RAD17: variants seen among roughly 807,000 people sequenced by gnomAD.
RAD17 encodes the protein RAD17 checkpoint clamp loader component.
Under a neutral mutation model 81.5 loss-of-function variants are expected in RAD17, and 31 were observed. The ratio of observed to expected loss-of-function variants is 0.38; its 90% CI spans 0.29 to 0.51. RAD17 has a LOEUF of 0.51. Among genes scored for constraint, RAD17 ranks in the 20% least tolerant of loss-of-function variants. RAD17 has a pLI of 0.88. For missense variants in RAD17, 681 were observed against 781.2 expected (o/e 0.87, Z 1.53); for synonymous variants, 261 against 266.2 (o/e 0.98, Z 0.19).
intron 17 of RAD17, among the ~76,000 whole-genome samples, chr5:69,409,282 T>C (rs564314956): frequency 1.3e-5 from 2 of 152,204 alleles, no homozygotes; most frequent in African/African-American, 4.8e-5. Context: ...CAGGGGACAG[T>C]GCCTTTGGGT....
At chr5:69,377,443 A>ATATATATATATATATGTG (rs1249094139) in intron 6 of RAD17, among the ~76,000 whole-genome samples, 5 of 7,256 alleles carry the variant, frequency 6.9e-4, no homozygotes, top group Admixed American at 4.0e-3. Context: ...GTGTGTGTAT[A>ATATATATATATATATGTG]TATATATATA....
intron 18 of RAD17, among the ~76,000 whole-genome samples, chr5:69,411,306 G>A (rs547837738): frequency 6.6e-6 from 1 of 151,944 alleles, no homozygotes; most frequent in Non-Finnish European, 1.5e-5. Flanking sequence ...AGCTACTCAG[G>A]AGGCTGAGGC....
chr5:69,392,782 C>T (rs565694786), intron 13 of RAD17: 13 of 449,870 alleles, frequency 2.9e-5, no homozygotes, highest in African/African-American at 2.0e-4. Flanking sequence ...GAATGGAATT[C>T]GTATTCTTTC....
intron 6 of RAD17, 92 bp from the exon 7 acceptor site, chr5:69,381,809 A>G (rs1014498647): frequency 9.2e-5 from 82 of 892,110 alleles, no homozygotes; most frequent in Non-Finnish European, 1.3e-4. Flanking sequence ...AAATATTTAT[A>G]GAAGTAAATA....
intron 7 of RAD17, among the ~76,000 whole-genome samples, chr5:69,382,288 A>G (rs537238345): frequency 1.3e-5 from 2 of 152,272 alleles, no homozygotes; most frequent in African/African-American, 4.8e-5. Context: ...GTCTACAAAA[A>G]TAAAAAAATC....
chr5:69,387,715 G>A (rs1214663081), intron 11 of RAD17, among the ~76,000 whole-genome samples: 1 of 152,088 alleles, frequency 6.6e-6, no homozygotes, highest in Non-Finnish European at 1.5e-5. Flanking sequence ...AAATTAGCCG[G>A]ATGTGGTGGC....
chr5:69,393,453 G>A lies in RAD17; in HGVS notation c.1375G>A (p.Ala459Thr). 2 of 1,610,334 alleles carry A rather than the reference G, an allele frequency of 1.2e-6. No homozygotes were observed. The highest frequency in any genetic ancestry group is 1.7e-6 in the Non-Finnish European group (2 of 1,178,706). ...FFMEIDDIVR[A>T]SEFLSFADIL... ...CATGGAAATTGATGATATTGTGAGAGCCAGTGAATTTCTGAGTTTTGCAGA... is the reference window on the plus strand; with the variant it reads ...CATGGAAATTGATGATATTGTGAGAACCAGTGAATTTCTGAGTTTTGCAGA... The change falls in exon 15 of 19, where the codon GCC becomes ACC. Residue 459 changes from alanine (A) to threonine (T), a missense_variant. Ala to Thr is a moderately conservative substitution (Grantham distance 58, BLOSUM62 0). Coordinates refer to ENST00000354868, the MANE Select transcript of RAD17 (RefSeq NM_133338.3).
chr5:69,407,414 AT>A (rs1464188627), intron 17 of RAD17, among the ~76,000 whole-genome samples: 1 of 151,318 alleles, frequency 6.6e-6, no homozygotes. Context: ...TTACTATGTC[AT>A]TTTCAGCCAT....
At chr5:69,370,941 G>T (rs764406878) in intron 1 of RAD17, 94 bp from the exon 2 acceptor site, 1 of 231,986 alleles carries the variant, frequency 4.3e-6, no homozygotes, top group Non-Finnish European at 8.9e-6. Context: ...TTGAAAACAC[G>T]GTTGAAAAAC....
intron 7 of RAD17, chr5:69,384,306 A>G (rs1370436921): frequency 6.5e-6 from 1 of 153,016 alleles, no homozygotes; most frequent in African/African-American, 2.4e-5. Context: ...CTGTGTTCTT[A>G]GGTCAGTTAA....
intron 11 of RAD17, among the ~76,000 whole-genome samples, chr5:69,387,782 AG>A (rs910778881): frequency 2.0e-5 from 3 of 152,076 alleles, no homozygotes; most frequent in African/African-American, 7.2e-5. Context: ...GCTTGAACCC[AG>A]GGGGTGGAGG....
intron 8 of RAD17, among the ~76,000 whole-genome samples, 160 bp from the exon 9 acceptor site, chr5:69,385,883 A>G (rs1022424181): frequency 2.6e-5 from 4 of 152,208 alleles, no homozygotes; most frequent in African/African-American, 9.6e-5. Context: ...ATTGATGTAT[A>G]TTACTGTTTC....
At chr5:69,411,958 C>G (rs1409245959) in intron 18 of RAD17, among the ~76,000 whole-genome samples, 2 of 151,916 alleles carry the variant, frequency 1.3e-5, no homozygotes, top group Non-Finnish European at 2.9e-5. Context: ...GCAGTATTTT[C>G]TTTTCTTTTT....
chr5:69,398,637 C>T (rs1167480849), intron 16 of RAD17, among the ~76,000 whole-genome samples: 1 of 151,744 alleles, frequency 6.6e-6, no homozygotes, highest in Non-Finnish European at 1.5e-5. Context: ...GAAACCCCAT[C>T]GCTACTAAAA....
At chr5:69,380,133 G>A (rs985032957) in intron 6 of RAD17, among the ~76,000 whole-genome samples, 3 of 151,918 alleles carry the variant, frequency 2.0e-5, no homozygotes, top group South Asian at 2.1e-4. Context: ...TGCCTGCTTC[G>A]GCCTCCCAAA....
chr5:69,390,217 T>C (rs936999471), intron 12 of RAD17, among the ~76,000 whole-genome samples: 4 of 152,364 alleles, frequency 2.6e-5, no homozygotes, highest in South Asian at 2.1e-4. Context: ...TTAGCAATTA[T>C]GTTTTTTTCA....
chr5:69,394,184 T>A (rs183924376), intron 15 of RAD17, among the ~76,000 whole-genome samples: 107 of 150,516 alleles, frequency 7.1e-4, no homozygotes, highest in African/African-American at 2.2e-3. Flanking sequence ...GCACTCCCCA[T>A]CTAGTAGCTG....
intron 17 of RAD17, 102 bp from the exon 18 acceptor site, chr5:69,410,391 T>C (rs1765892001): frequency 2.3e-6 from 2 of 862,898 alleles, no homozygotes; most frequent in Non-Finnish European, 1.8e-6. Context: ...GATTTGCATT[T>C]CTCTAAAGAT....
chr5:69,381,475 G>A (rs1482528933), intron 6 of RAD17, among the ~76,000 whole-genome samples: 3 of 149,070 alleles, frequency 2.0e-5, no homozygotes, highest in Non-Finnish European at 3.0e-5. Context: ...AGCAAGACTC[G>A]TCTCAAAAAA....
Sources: allele counts gnomAD v4.1 joint callset (sites outside exome capture counted in the v4.1 genomes callset), GRCh38; gene constraint gnomAD v4.1.1; transcripts MANE v1.5; gene names NCBI Gene and HGNC (gene_info 2026-07-23, HGNC 2026-07-21).